The following ARHGAP26 variants were observed in gnomAD, a reference collection of about 807,000 sequenced individuals.
The protein encoded by ARHGAP26 is Rho GTPase activating protein 26, also known as rho GTPase-activating protein 26.
A neutral mutation model predicts 104.8 loss-of-function variants in ARHGAP26; 38 were observed. That is an observed-to-expected ratio of 0.36 (90% CI 0.28 to 0.48). The LOEUF is 0.48. Ranked by LOEUF, ARHGAP26 falls within the 20% of genes least tolerant of loss-of-function variation. ARHGAP26 has a pLI of 0.99. For synonymous variants in ARHGAP26, 341 were observed against 340.0 expected (o/e 1.00, Z -0.03); for missense variants, 704 against 947.9 (o/e 0.74, Z 3.38).
At chr5:142,839,141 A>G (rs1039429955) in intron 1 of ARHGAP26, among the ~76,000 whole-genome samples, 3 of 152,354 alleles carry the variant, frequency 2.0e-5, no homozygotes, top group Non-Finnish European at 2.9e-5. Flanking sequence ...ATAAGTTTAC[A>G]TTTATTTTGT....
intron 20 of ARHGAP26, among the ~76,000 whole-genome samples, chr5:143,191,144 G>T (rs1239509600): frequency 1.3e-5 from 2 of 152,152 alleles, no homozygotes; most frequent in African/African-American, 4.8e-5. Context: ...TCTAAAAGTT[G>T]TACACTTAAG....
intron 1 of ARHGAP26, among the ~76,000 whole-genome samples, chr5:142,816,038 T>C (rs1210752236): frequency 6.6e-6 from 1 of 152,028 alleles, no homozygotes; most frequent in Non-Finnish European, 1.5e-5. Context: ...GCTGAAGCCG[T>C]CCACCCGCCT....
rs563190939 is a variant in ARHGAP26, at chr5:142,892,892, G to A, written c.487-1346G>A. On this transcript the variant is annotated intron_variant, in intron 5 of 22. Transcript: ENST00000645722. Reference sequence around the variant, plus strand: ...CAGTTAGCCATAGTCATCCTACTGTGTTCTGAAATACTGGAACTTATTCCT... The same window carrying A: ...CAGTTAGCCATAGTCATCCTACTGTATTCTGAAATACTGGAACTTATTCCT... Among the ~76,000 whole-genome samples the A allele has an allele frequency of 4.0e-5, 6 of 151,854 alleles. No homozygotes were observed. The South Asian group carries it at 1.2e-3, about 31-fold the overall frequency.
At chr5:142,990,389 A>T (rs1042408946) in intron 11 of ARHGAP26, among the ~76,000 whole-genome samples, 3 of 152,004 alleles carry the variant, frequency 2.0e-5, no homozygotes, top group African/African-American at 4.8e-5. Flanking sequence ...CTTCTTTGTG[A>T]TGGGTTCGAG....
chr5:143,123,689 C>G (rs753565472), intron 18 of ARHGAP26, among the ~76,000 whole-genome samples: 1 of 151,976 alleles, frequency 6.6e-6, no homozygotes, highest in Non-Finnish European at 1.5e-5. Context: ...CCCATCTCTA[C>G]AAAAAATAAA....
At chr5:143,023,483 C>A (rs1046124178) in intron 12 of ARHGAP26, among the ~76,000 whole-genome samples, 2 of 152,212 alleles carry the variant, frequency 1.3e-5, no homozygotes, top group African/African-American at 4.8e-5. Context: ...TACCAAAAAT[C>A]CACCGTCTCA....
At chr5:142,865,815 T>C (rs1291442300) in intron 1 of ARHGAP26, among the ~76,000 whole-genome samples, 1 of 152,336 alleles carries the variant, frequency 6.6e-6, no homozygotes, top group Admixed American at 6.5e-5. Flanking sequence ...GGTCCTTCCA[T>C]GGTTTGATTC....
intron 1 of ARHGAP26, among the ~76,000 whole-genome samples, chr5:142,777,604 T>A (rs1209587696): frequency 1.3e-5 from 2 of 152,248 alleles, no homozygotes; most frequent in African/African-American, 4.8e-5. Flanking sequence ...TTTCAAATTA[T>A]ATATTTTTTG....
intron 11 of ARHGAP26, among the ~76,000 whole-genome samples, chr5:142,987,203 T>A (rs1490945189): frequency 6.6e-6 from 1 of 151,670 alleles, no homozygotes; most frequent in African/African-American, 2.4e-5. Context: ...CTTGAAGAGG[T>A]CCTTCACGTC....
chr5:143,046,450 G>C (rs997757255), intron 14 of ARHGAP26, among the ~76,000 whole-genome samples: 1 of 152,210 alleles, frequency 6.6e-6, no homozygotes, highest in Admixed American at 6.5e-5. Flanking sequence ...TCTTTGTACT[G>C]ATCAGGATTC....
intron 11 of ARHGAP26, among the ~76,000 whole-genome samples, chr5:142,996,105 G>A (rs551823350): frequency 1.3e-5 from 2 of 152,234 alleles, no homozygotes; most frequent in South Asian, 4.1e-4. Context: ...ACGGGTTGAC[G>A]GGTGCAGCAA....
intron 20 of ARHGAP26, among the ~76,000 whole-genome samples, chr5:143,151,955 C>CA (rs962385149): frequency 1.3e-5 from 2 of 151,294 alleles, no homozygotes; most frequent in East Asian, 1.9e-4. Flanking sequence ...GACTCCATCT[C>CA]AAAAAAAAGA....
intron 11 of ARHGAP26, among the ~76,000 whole-genome samples, chr5:142,936,224 C>T (rs1765403822): frequency 6.6e-6 from 1 of 151,796 alleles, no homozygotes; most frequent in Admixed American, 6.6e-5. Flanking sequence ...AATCATATTT[C>T]TGTAGATTAG....
intron 4 of ARHGAP26, among the ~76,000 whole-genome samples, chr5:142,880,602 T>C (rs536008762): frequency 3.9e-5 from 6 of 152,324 alleles, no homozygotes; most frequent in South Asian, 2.1e-4. Context: ...GATGTTTTCA[T>C]TGGAATCAAT....
intron 1 of ARHGAP26, among the ~76,000 whole-genome samples, chr5:142,799,183 T>C (rs1050974582): frequency 6.6e-5 from 10 of 151,976 alleles, no homozygotes. Context: ...GAGTAACAAC[T>C]GTGGTGGGTT....
chr5:142,875,426 A>G (rs1043394447), intron 3 of ARHGAP26, among the ~76,000 whole-genome samples: 4 of 152,162 alleles, frequency 2.6e-5, no homozygotes, highest in Non-Finnish European at 4.4e-5. Context: ...CATAAGGTGT[A>G]TGACTTAAGG....
chr5:142,843,433 T>C (rs1275280400), intron 1 of ARHGAP26, among the ~76,000 whole-genome samples: 1 of 152,254 alleles, frequency 6.6e-6, no homozygotes, highest in Non-Finnish European at 1.5e-5. Flanking sequence ...GCATGCTGTT[T>C]CACTAGATTG....
intron 1 of ARHGAP26, among the ~76,000 whole-genome samples, chr5:142,795,454 C>A (rs189799303): frequency 6.6e-6 from 1 of 152,108 alleles, no homozygotes; most frequent in African/African-American, 2.4e-5. Context: ...TTTCTCTGTT[C>A]TGGGCAACTC....
Position 143,224,126 on chromosome 5 carries a change from A to T in ARHGAP26, c.*1680A>T, listed in dbSNP as rs1328797309. On this transcript the variant is annotated 3_prime_UTR_variant, in exon 23 of 23. Transcript: ENST00000645722. ...CTTTTACTTTTTTTTTTTTGAAAAG[A>T]TAAACTTGTAAATAGAGTGATTTGA... is the stretch of plus-strand genomic sequence containing the variant. 8.8e-6 allele frequency: 2 copies of T among 228,036 alleles called. No individual in the cohort carries two copies. Among genetic ancestry groups the T allele is most frequent in the Non-Finnish European group, 1.7e-5 (2 of 114,908 alleles). 14.1% of individuals were successfully genotyped at this position (228,036 alleles called of 1,614,324 possible).
Sources: allele counts gnomAD v4.1 joint callset (sites outside exome capture counted in the v4.1 genomes callset), GRCh38; gene constraint gnomAD v4.1.1; transcripts MANE v1.5; gene names NCBI Gene and HGNC (gene_info 2026-07-23, HGNC 2026-07-21).